KMT2D: variants seen among roughly 807,000 people sequenced by gnomAD.
KMT2D encodes histone-lysine N-methyltransferase 2D.
In KMT2D, 55 loss-of-function variants were observed where a neutral mutation model predicts 512.7. The ratio of observed to expected loss-of-function variants is 0.11; its 90% CI spans 0.09 to 0.13. The LOEUF is 0.13. KMT2D is among the 10% of genes least tolerant of loss of function. The pLI, the probability that KMT2D is intolerant of heterozygous loss-of-function variation, is 1.00. For synonymous variants in KMT2D, 2,995 were observed against 2,904.0 expected (o/e 1.03, Z -1.01); for missense variants, 6,061 against 7,127.9 (o/e 0.85, Z 5.39).
Position 49,031,948 on chromosome 12 carries a change from G to A in KMT2D, c.12757C>T (p.Leu4253Phe). The A allele has an allele frequency of 6.4e-7, 1 of 1,551,874 alleles. No homozygotes were observed. Reference protein sequence around the residue: ...YQEPGTQTSPLQGLLGCQPQL... With the variant: ...YQEPGTQTSPFQGLLGCQPQL... The stretch of plus-strand genomic sequence containing the variant: ...GGTTGGCAGCCCAGGAGGCCCTGGA[G>A]GGGAGAGGTCTGGGTCCCAGGCTCC... The change falls in exon 40 of 55, where the codon CTC becomes TTC. Residue 4253 changes from leucine (L) to phenylalanine (F), a missense_variant. By Grantham distance (22) the Leu-to-Phe change is conservative (BLOSUM62 0). This residue lies in a region of KMT2D where 1,600 missense variants were observed against 1,754.9 expected (regional missense o/e 0.91). Transcript: ENST00000301067.
At position 49,051,897 on chromosome 12, in the gene KMT2D, C is replaced by T. The variant is rs2120678472; in HGVS notation, c.1786G>A (p.Ala596Thr). The change falls in exon 11 of 55, where the codon GCA (alanine) becomes ACA (threonine). Residue 596 changes from alanine to threonine, a missense_variant. Coordinates refer to ENST00000301067, the MANE Select transcript of KMT2D (RefSeq NM_003482.4). ...EESPMSPPPE[A>T]SRLFPPFEES... ...TCAAATGGTGGGAACAGACGAGATGCCTCCGGTGGTGGAGACATGGGTGAC... is the reference window on the plus strand; with the variant it reads ...TCAAATGGTGGGAACAGACGAGATGTCTCCGGTGGTGGAGACATGGGTGAC... 1.2e-6 allele frequency: 2 copies of T among 1,612,624 alleles called. No homozygotes were observed. The highest frequency in any genetic ancestry group is 1.7e-6 in the Non-Finnish European group (2 of 1,179,500).
rs370115365 is a variant in KMT2D, at chr12:49,040,403, C to T, written c.7367G>A (p.Arg2456His). 3.6e-5 allele frequency: 56 copies of T among 1,562,734 alleles called. No homozygotes were observed. Among genetic ancestry groups the T allele is most frequent in the Admixed American group, 5.6e-5 (3 of 53,748 alleles). The change falls in exon 32 of 55, where the codon CGC becomes CAC. Residue 2456 changes from arginine to histidine, a missense_variant. Transcript: ENST00000301067. ...SPDPYSRPPS[R>H]PQSRDPFAPL... ...GGCAAATGGGTCACGGGACTGAGGG[C>T]GTGAGGGTGGGCGAGAATAAGGGTC...
intron 1 of KMT2D, among the ~76,000 whole-genome samples, chr12:49,057,591 G>A (rs1454893587): frequency 1.3e-5 from 2 of 152,194 alleles, no homozygotes; most frequent in Non-Finnish European, 2.9e-5. Flanking sequence ...CATACAACTT[G>A]TACCAAAAAT....
At position 49,060,758 on chromosome 12, in the gene KMT2D, G is replaced by A. The variant is rs552785723; in HGVS notation, c.-1183C>T. Among the ~76,000 whole-genome samples the A allele has an allele frequency of 3.3e-5, 5 of 152,378 alleles. No individual in the cohort carries two copies. The highest frequency in any genetic ancestry group is 1.2e-4 in the African/African-American group (5 of 41,596). Reference sequence around the variant, plus strand: ...CCCCACTCGAGAGGGGGAGAAAGGAGAAGAGGCGGCCCTATTTTGTGTTGG... The same window carrying A: ...CCCCACTCGAGAGGGGGAGAAAGGAAAAGAGGCGGCCCTATTTTGTGTTGG... On this transcript the variant is annotated 5_prime_UTR_variant, in exon 1 of 55. Coordinates refer to ENST00000301067, the MANE Select transcript of KMT2D (RefSeq NM_003482.4).
At position 49,045,905 on chromosome 12, in the gene KMT2D, A is replaced by T. The variant is rs1943761847; in HGVS notation, c.4741+15T>A. Reference sequence around the variant, plus strand: ...GTCTGGTCTGGCTTTGGCATTCAAAATTTCTGTGACTCACCTGGCTCTTTC... The same window carrying T: ...GTCTGGTCTGGCTTTGGCATTCAAATTTTCTGTGACTCACCTGGCTCTTTC... On this transcript the variant is annotated intron_variant, in intron 19 of 54. Coordinates refer to ENST00000301067, the MANE Select transcript of KMT2D (RefSeq NM_003482.4). 1 of 1,610,702 alleles carries T rather than the reference A, an allele frequency of 6.2e-7. No individual in the cohort carries two copies. Among genetic ancestry groups the T allele is most frequent in the Non-Finnish European group, 8.5e-7 (1 of 1,176,980 alleles).
intron 49 of KMT2D, among the ~76,000 whole-genome samples, chr12:49,025,776 G>A (rs1275325270): frequency 6.6e-6 from 1 of 152,186 alleles, no homozygotes; most frequent in Non-Finnish European, 1.5e-5. Context: ...TCAAAAAAAG[G>A]TACCTGCTCT....
chr12:49,047,593 A>AT, intron 15 of KMT2D, among the ~76,000 whole-genome samples: 1 of 151,202 alleles, frequency 6.6e-6, no homozygotes, highest in South Asian at 2.1e-4. Flanking sequence ...AATTTTTGTT[A>AT]TTTTTTAGAA....
Position 49,040,771 on chromosome 12 carries a change from A to T in KMT2D, c.6999T>A (p.Pro2333=), listed in dbSNP as rs1448829557. ...TCTGGGGCTCTACCTGAGATGCCCG[A>T]GGGGTCAGGGGGGCTTTGAAGACAT... ...TPDVFKAPLT[P]RASQVEPQSP... is the part of the protein sequence containing the mutation. The change falls in exon 32 of 55, where the codon CCT becomes CCA. Residue 2333 remains proline (P), a synonymous_variant. Coordinates refer to ENST00000301067, the MANE Select transcript of KMT2D (RefSeq NM_003482.4). 1.2e-6 allele frequency: 2 copies of T among 1,613,418 alleles called. No homozygotes were observed. The highest frequency in any genetic ancestry group is 8.5e-7 in the Non-Finnish European group (1 of 1,179,694).
rs775515120 is a variant in KMT2D, at chr12:49,041,177, G to T, written c.6593C>A (p.Pro2198His). The change falls in exon 32 of 55, where the codon CCC (proline) becomes CAC (histidine). Residue 2198 changes from proline (P) to histidine (H), a missense_variant. Pro to His is a moderately conservative substitution (Grantham distance 77). Around this residue, in one of 16 missense-constraint regions of KMT2D, gnomAD observed 710 missense variants for 647.3 expected, o/e 1.10. Transcript: ENST00000301067. This position sits in a 1 kb window ranked among gnomAD's most constrained non-coding sequence, Gnocchi z 5.4. ...RFPTAPPTYP[P>H]YPSPTGAPAQ... Reference sequence around the variant, plus strand: ...AGGGGCCCCCGTAGGACTAGGATAGGGGGGATAGGTGGGCGGTGCCGTGGG... The same window carrying T: ...AGGGGCCCCCGTAGGACTAGGATAGTGGGGATAGGTGGGCGGTGCCGTGGG... 14 of 1,519,410 alleles carry T rather than the reference G, an allele frequency of 9.2e-6. No homozygotes were observed. The highest frequency in any genetic ancestry group is 2.3e-5 in the Admixed American group (1 of 43,706). 94.1% of individuals were successfully genotyped at this position (1,519,410 alleles called of 1,614,324 possible). A position where few individuals can be genotyped will look rare whatever the true frequency, so the allele number is the denominator to read the frequency against.
At position 49,039,142 on chromosome 12, in the gene KMT2D, C is replaced by T; in HGVS notation, c.8366+80G>A. The T allele has an allele frequency of 6.3e-7, 1 of 1,577,060 alleles. No homozygotes were observed. The highest frequency in any genetic ancestry group is 1.1e-5 in the South Asian group (1 of 88,800). On this transcript the variant is annotated intron_variant, in intron 34 of 54. Coordinates refer to ENST00000301067, the MANE Select transcript of KMT2D (RefSeq NM_003482.4). The surrounding 1 kb of genome is among the most constrained non-coding windows in gnomAD (Gnocchi z 5.0). ...TGATACTGGAAAAGGATTAGTGATA[C>T]AGGAAAATCACAAGAGCTTCCAACA...
At chr12:49,053,392 T>G in intron 7 of KMT2D, 71 bp from the exon 8 acceptor site, 1 of 1,606,248 alleles carries the variant, frequency 6.2e-7, no homozygotes, top group East Asian at 2.2e-5. Flanking sequence ...TGTTTTCATG[T>G]TAACAGGCCT....
chr12:49,049,313 A>G, intron 12 of KMT2D, 95 bp from the exon 13 acceptor site: 1 of 794,256 alleles, frequency 1.3e-6, no homozygotes, highest in East Asian at 2.7e-5. Context: ...CGGACAGAGT[A>G]AGACAGGTAA....
Position 49,022,226 on chromosome 12 carries a change from C to G in KMT2D, c.16412+54G>C, listed in dbSNP as rs1200210328. Reference sequence around the variant, plus strand: ...TTTTGATTCCTTGTTCGTCTATCCCCCAGAGTGCCACTCTCAGGGACCACT... The same window carrying G: ...TTTTGATTCCTTGTTCGTCTATCCCGCAGAGTGCCACTCTCAGGGACCACT... On this transcript the variant is annotated intron_variant, in intron 53 of 54. Transcript: ENST00000301067. The surrounding 1 kb of genome is among the most constrained non-coding windows in gnomAD (Gnocchi z 8.6). The G allele has an allele frequency of 2.5e-6, 4 of 1,599,544 alleles. No homozygotes were observed. The highest frequency in any genetic ancestry group is 2.7e-5 in the African/African-American group (2 of 74,624).
chr12:49,039,325 T>C lies in KMT2D; in HGVS notation c.8263A>G (p.Lys2755Glu). 12 of 1,613,550 alleles carry C rather than the reference T, an allele frequency of 7.4e-6. No homozygotes were observed. The highest frequency in any genetic ancestry group is 1.7e-5 in the Admixed American group (1 of 59,970). Residue 2755 changes from lysine (K) to glutamate (E), a missense_variant, in exon 34 of 55, where the codon AAG becomes GAG. Coordinates refer to ENST00000301067, the MANE Select transcript of KMT2D (RefSeq NM_003482.4). This position sits in a 1 kb window ranked among gnomAD's most constrained non-coding sequence, Gnocchi z 5.0. ...GGCCCCAGGATGGGGCCACTCAGCT[T>C]GCTTGGGGGCAACCCCACAAGGCTG... ...KSSLVGLPPS[K>E]LSGPILGPGS... is the part of the protein sequence containing the mutation.
Position 49,040,767 on chromosome 12 carries a change from C to T in KMT2D, c.7003G>A (p.Ala2335Thr). ...DVFKAPLTPR[A>T]SQVEPQSPGL... ...GGGCTCTGGGGCTCTACCTGAGATG[C>T]CCGAGGGGTCAGGGGGGCTTTGAAG... Residue 2335 changes from alanine to threonine, a missense_variant, in exon 32 of 55, where the codon GCA (alanine) becomes ACA (threonine). Around this residue, in one of 16 missense-constraint regions of KMT2D, gnomAD observed 710 missense variants for 647.3 expected, o/e 1.10. Transcript: ENST00000301067. 6.2e-7 allele frequency: 1 copy of T among 1,613,418 alleles called. No homozygotes were observed. The highest frequency in any genetic ancestry group is 1.3e-5 in the African/African-American group (1 of 74,930).
Position 49,060,221 on chromosome 12 carries a change from C to G in KMT2D, c.-646G>C, listed in dbSNP as rs1040920757. On this transcript the variant is annotated 5_prime_UTR_variant, in exon 1 of 55. Transcript: ENST00000301067. ...ACACCCAGCGCCGGGCTTCTCGACC[C>G]CGAGCGCTCACCCTCGGCGGCTTCG... is the stretch of plus-strand genomic sequence containing the variant. Among the ~76,000 whole-genome samples the G allele has an allele frequency of 6.6e-6, 1 of 151,996 alleles. No individual in the cohort carries two copies. The highest frequency in any genetic ancestry group is 2.4e-5 in the African/African-American group (1 of 41,434).
At position 49,033,226 on chromosome 12, in the gene KMT2D, C is replaced by A; in HGVS notation, c.11479G>T (p.Val3827Leu). 1 of 1,552,012 alleles carries A rather than the reference C, an allele frequency of 6.4e-7. No homozygotes were observed. Among genetic ancestry groups the A allele is most frequent in the Non-Finnish European group, 8.7e-7 (1 of 1,147,244 alleles). ...AGCACCCGGGACTGGGTCATAAGCA[C>A]CTGTCTGTGAGGGCCCTGGGGGCCC... The part of the protein sequence containing the change: ...ALGPQGPHRQ[V>L]LMTQSRVLSS... Residue 3827 changes from valine to leucine, a missense_variant, in exon 40 of 55, where the codon GTG becomes TTG. Transcript: ENST00000301067.
rs1437975816 is a variant in KMT2D, at chr12:49,032,227, G to C, written c.12478C>G (p.Leu4160Val). 1.9e-6 allele frequency: 3 copies of C among 1,613,778 alleles called. No individual in the cohort carries two copies. Among genetic ancestry groups the C allele is most frequent in the Non-Finnish European group, 2.5e-6 (3 of 1,179,760 alleles). Residue 4160 changes from leucine to valine, a missense_variant, in exon 40 of 55, where the codon CTA (leucine) becomes GTA (valine). This residue lies in a region of KMT2D where 1,600 missense variants were observed against 1,754.9 expected (regional missense o/e 0.91). Transcript: ENST00000301067. Reference sequence around the variant, plus strand: ...GTATTATTTTGCATGGGCCGCTCTAGCATGGGCTGTTGGGGGCCCAGAAGG... The same window carrying C: ...GTATTATTTTGCATGGGCCGCTCTACCATGGGCTGTTGGGGGCCCAGAAGG... ...QNLLGPQQPMLERPMQNNTGP... is the reference protein window; with the variant it reads ...QNLLGPQQPMVERPMQNNTGP...
chr12:49,045,933 C>T lies in KMT2D; in HGVS notation c.4728G>A (p.Lys1576=). Reference sequence around the variant, plus strand: ...TCTGTGACTCACCTGGCTCTTTCACCTTCATGGGCACCAGCTCTGGAGGTG... The same window carrying T: ...TCTGTGACTCACCTGGCTCTTTCACTTTCATGGGCACCAGCTCTGGAGGTG... ...PVAPPELVPM[K]VKEPEPQYFR... Residue 1576 remains lysine (K), a synonymous_variant, in exon 19 of 55, where the codon AAG becomes AAA. Transcript: ENST00000301067. The T allele has an allele frequency of 6.2e-7, 1 of 1,613,934 alleles. No individual in the cohort carries two copies. The highest frequency in any genetic ancestry group is 1.3e-5 in the African/African-American group (1 of 75,032).
Sources: allele counts gnomAD v4.1 joint callset (sites outside exome capture counted in the v4.1 genomes callset), GRCh38; gene constraint gnomAD v4.1.1; regional missense constraint gnomAD v4.1.1; non-coding constraint Gnocchi (gnomAD v3.1); transcripts MANE v1.5; gene names NCBI Gene and HGNC (gene_info 2026-07-23, HGNC 2026-07-21).